The following SIPA1L3 variants were observed in gnomAD, a reference collection of about 807,000 sequenced individuals.
The protein encoded by SIPA1L3 is signal induced proliferation associated 1 like 3.
In SIPA1L3, 59 loss-of-function variants were observed where a neutral mutation model predicts 150.1. The ratio of observed to expected loss-of-function variants is 0.39; its 90% CI spans 0.32 to 0.49. The LOEUF (loss-of-function observed/expected upper bound fraction) is 0.49, where lower values mean the gene tolerates loss of function less well. SIPA1L3 is among the 20% of genes least tolerant of loss of function. The pLI is 0.86. For missense variants in SIPA1L3, 2,211 were observed against 2,489.5 expected (o/e 0.89, Z 2.38); for synonymous variants, 1,070 against 1,077.6 (o/e 0.99, Z 0.14).
intron 2 of SIPA1L3, among the ~76,000 whole-genome samples, chr19:38,055,595 CT>C (rs1376602403): frequency 1.4e-4 from 21 of 152,200 alleles, no homozygotes; most frequent in Admixed American, 1.1e-3. Flanking sequence ...GATTAGTATC[CT>C]GCCACCCCAA....
At chr19:38,062,690 AG>A (rs1969475136) in intron 2 of SIPA1L3, among the ~76,000 whole-genome samples, 1 of 151,882 alleles carries the variant, frequency 6.6e-6, no homozygotes, top group African/African-American at 2.4e-5. Context: ...CAGTGATCTC[AG>A]CGCACTGTAA....
chr19:37,941,618 C>T (rs1209230162), intron 1 of SIPA1L3, among the ~76,000 whole-genome samples: 1 of 152,162 alleles, frequency 6.6e-6, no homozygotes, highest in East Asian at 1.9e-4. Flanking sequence ...CTGCTCCAGG[C>T]CTTACCTTTG....
At chr19:37,963,441 A>G (rs1417346522) in intron 1 of SIPA1L3, among the ~76,000 whole-genome samples, 2 of 152,248 alleles carry the variant, frequency 1.3e-5, no homozygotes, top group Non-Finnish European at 2.9e-5. Flanking sequence ...GGCTCCAGCC[A>G]GATCGTAACC....
intron 1 of SIPA1L3, among the ~76,000 whole-genome samples, chr19:37,910,955 A>G (rs1310323193): frequency 1.3e-5 from 2 of 151,876 alleles, no homozygotes; most frequent in Non-Finnish European, 2.9e-5. Flanking sequence ...GTGTGTATGT[A>G]TGTGATTGGG....
intron 1 of SIPA1L3, among the ~76,000 whole-genome samples, chr19:37,995,824 G>A (rs1268460001): frequency 6.6e-6 from 1 of 152,204 alleles, no homozygotes; most frequent in Non-Finnish European, 1.5e-5. Flanking sequence ...ACGTGCCATT[G>A]GGGCTCTCCT....
chr19:38,109,958 G>A, intron 7 of SIPA1L3: 1 of 414,914 alleles, frequency 2.4e-6, no homozygotes, highest in Non-Finnish European at 4.4e-6. Context: ...GAAGCCATGT[G>A]GGGACTCAGG....
rs181739437 is a variant in SIPA1L3 at position 38,043,869 on chromosome 19, G to A, written c.-311+14713G>A. Among the ~76,000 whole-genome samples the A allele has an allele frequency of 5.3e-4, 81 of 152,278 alleles. 1 individual carries two copies. The highest frequency in any genetic ancestry group is 1.9e-3 in the African/African-American group (81 of 41,562). ...GGGGCCTTTTCCTTACATGGATAGG[G>A]GGAGGGTTCTGAGCAGAGGAAGGAC... On this transcript the variant is annotated intron_variant, in intron 2 of 21. Coordinates refer to ENST00000222345, the MANE Select transcript of SIPA1L3 (RefSeq NM_015073.3).
chr19:38,055,038 G>A (rs550728070), intron 2 of SIPA1L3, among the ~76,000 whole-genome samples: 8 of 152,300 alleles, frequency 5.3e-5, no homozygotes, highest in African/African-American at 1.4e-4. Flanking sequence ...CTGCTGTGGC[G>A]TGGTTAGGCA....
intron 17 of SIPA1L3, among the ~76,000 whole-genome samples, chr19:38,193,030 T>C (rs1023668024): frequency 2.0e-5 from 3 of 151,962 alleles, no homozygotes; most frequent in Non-Finnish European, 2.9e-5. Context: ...GGGGGAAAAC[T>C]GGAGCGCTTT....
At chr19:38,056,239 C>G (rs1725504) in intron 2 of SIPA1L3, among the ~76,000 whole-genome samples, 1 of 152,172 alleles carries the variant, frequency 6.6e-6, no homozygotes. Flanking sequence ...CTCTTGCCCC[C>G]ACGTGGGTGG....
At chr19:38,135,190 C>G (rs1003287410) in intron 10 of SIPA1L3, among the ~76,000 whole-genome samples, 3 of 152,214 alleles carry the variant, frequency 2.0e-5, no homozygotes, top group African/African-American at 7.2e-5. Context: ...TGTCCCCACC[C>G]TCACCTTCCT....
At chr19:38,128,296 AGT>A (rs1354764483) in intron 9 of SIPA1L3, among the ~76,000 whole-genome samples, 2 of 152,050 alleles carry the variant, frequency 1.3e-5, no homozygotes, top group African/African-American at 4.8e-5. Flanking sequence ...AAAGTGTCAC[AGT>A]GTGCCTCAGT....
intron 1 of SIPA1L3, among the ~76,000 whole-genome samples, chr19:38,011,240 C>T (rs1160577583): frequency 4.0e-5 from 6 of 151,892 alleles, no homozygotes; most frequent in Non-Finnish European, 7.4e-5. Context: ...TTTGGGAGGC[C>T]GAGGTGGGAG....
chr19:38,121,846 G>T (rs1460781259), intron 9 of SIPA1L3, among the ~76,000 whole-genome samples: 3 of 152,046 alleles, frequency 2.0e-5, no homozygotes, highest in Non-Finnish European at 4.4e-5. Flanking sequence ...TTGAGCCCAG[G>T]AGTTTGAGGC....
chr19:38,030,588 G>T (rs1051999915), intron 2 of SIPA1L3, among the ~76,000 whole-genome samples: 2 of 126,172 alleles, frequency 1.6e-5, no homozygotes, highest in Non-Finnish European at 3.3e-5. Context: ...TGGGTAATGG[G>T]TATTTACACA....
intron 1 of SIPA1L3, among the ~76,000 whole-genome samples, chr19:38,000,476 CAAA>C (rs931671031): frequency 1.8e-4 from 8 of 44,048 alleles, no homozygotes; most frequent in African/African-American, 6.2e-4. Context: ...GACTCTGTCT[CAAA>C]AAAAAAAAAA....
intron 1 of SIPA1L3, among the ~76,000 whole-genome samples, chr19:37,974,284 G>T (rs1177998142): frequency 6.6e-6 from 1 of 152,088 alleles, no homozygotes; most frequent in Non-Finnish European, 1.5e-5. Flanking sequence ...ACTTTGGGAG[G>T]CCGAGGCAGG....
At chr19:37,940,834 AGCTTCCTAAAGT>A (rs2046647996) in intron 1 of SIPA1L3, among the ~76,000 whole-genome samples, 1 of 151,962 alleles carries the variant, frequency 6.6e-6, no homozygotes, top group African/African-American at 2.4e-5. Context: ...CTCCCACTTC[AGCTTCCTAAAGT>A]GCTGGGATTG....
intron 2 of SIPA1L3, among the ~76,000 whole-genome samples, chr19:38,030,943 C>T (rs1291719476): frequency 6.6e-6 from 1 of 151,968 alleles, no homozygotes; most frequent in Non-Finnish European, 1.5e-5. Context: ...ATGCAGGTAG[C>T]CGTGTCGGCC....
Sources: allele counts gnomAD v4.1 joint callset (sites outside exome capture counted in the v4.1 genomes callset), GRCh38; gene constraint gnomAD v4.1.1; transcripts MANE v1.5; gene names NCBI Gene and HGNC (gene_info 2026-07-23, HGNC 2026-07-21).